The following IRS4 variants were observed in gnomAD, a reference collection of about 807,000 sequenced individuals.
IRS4 encodes insulin receptor substrate 4, also known as 160 kDa phosphotyrosine protein.
IRS4 carries 15 observed loss-of-function variants against 48.6 expected under a neutral mutation model. That is an observed-to-expected ratio of 0.31 (90% CI 0.21 to 0.48). The LOEUF (loss-of-function observed/expected upper bound fraction) is 0.48. Among genes scored for constraint, IRS4 ranks in the 20% least tolerant of loss-of-function variants. The pLI is 0.99. For synonymous variants in IRS4, 459 were observed against 413.2 expected (o/e 1.11, Z -1.34); for missense variants, 987 against 1,023.4 (o/e 0.96, Z 0.49).
intron 1 of IRS4, among the ~76,000 whole-genome samples, chrX:108,730,796 A>G (rs184722452): frequency 2.0e-4 from 22 of 112,306 alleles, no homozygotes; most frequent in African/African-American, 7.1e-4. Flanking sequence ...ATAAACCTCT[A>G]TGAAAACTGG....
chrX:108,734,821 A>T lies in IRS4; in HGVS notation c.1524T>A (p.Asn508Lys), dbSNP rs34287560. ...AGCTATGGCTACTGGAGCCTTGGCC[A>T]TTTGAGCCCTGGCCACCTCCTGAGC... ...GRGSGGGQGS[N>K]GQGSSSHSSG... is the part of the protein sequence containing the mutation. The change falls in exon 1 of 2, where the codon AAT (asparagine) becomes AAA (lysine). Residue 508 changes from asparagine to lysine, a missense_variant. This residue lies in a region of IRS4 where 720 missense variants were observed against 660.3 expected (regional missense o/e 1.09). Coordinates refer to ENST00000372129, the MANE Select transcript of IRS4 (RefSeq NM_001379150.1). 10,893 of 1,208,898 alleles carry T rather than the reference A, an allele frequency of 9.0e-3. 598 individuals are homozygous for T. The African/African-American group carries it at 0.17, about 19-fold the overall frequency.
chrX:108,720,533 TC>T lies in IRS4; in HGVS notation c.*1985del, dbSNP rs2068852204. On this transcript the variant is annotated 3_prime_UTR_variant, in exon 2 of 2. Transcript: ENST00000372129. ...TCTGTGCTGTACCCTCTGTACCCTG[TC>T]TGCTGGCAGCTTCTGAACCTAATAT... 8.9e-6 allele frequency: 1 copy of T among 112,063 alleles called. No homozygotes were observed. The highest frequency in any genetic ancestry group is 3.2e-5 in the African/African-American group (1 of 30,801). The allele number at this position is 112,063 out of a possible 1,213,427, so 9.2% of individuals were successfully genotyped here. A position where few individuals can be genotyped will look rare whatever the true frequency, so the allele number is the denominator to read the frequency against.
chrX:108,727,582 C>G (rs1268561837), intron 1 of IRS4, among the ~76,000 whole-genome samples: 1 of 112,075 alleles, frequency 8.9e-6, no homozygotes, highest in Non-Finnish European at 1.9e-5. Flanking sequence ...CATTCAAGAC[C>G]AAGCAACGTT....
rs754482508 is a variant in IRS4, at chrX:108,732,829, G to A, written c.3516C>T (p.Ala1172=). 61 of 1,175,322 alleles carry A rather than the reference G, an allele frequency of 5.2e-5. No individual in the cohort carries two copies. Among genetic ancestry groups the A allele is most frequent in the Non-Finnish European group, 6.7e-5 (59 of 877,472 alleles). Residue 1172 remains alanine (A), a synonymous_variant, in exon 1 of 2, where the codon GCC becomes GCT. Coordinates refer to ENST00000372129, the MANE Select transcript of IRS4 (RefSeq NM_001379150.1). ...CGTCTTGGGCTCCCCTTACTGCTTC[G>A]GCATCAGCAGCATTAGCAACAGGTT... ...WFQPVANAAD[A]EAVRGAQDVA... is the part of the protein sequence containing the mutation.
In IRS4 at chrX:108,736,492, C is replaced by T. The variant is rs1245414922; in HGVS notation, c.-148G>A. Reference sequence around the variant, plus strand: ...CCCCGCCCACTCCACTCTGAGCGCACGACAGCGGGCAAAACAACACGTGAC... The same window carrying T: ...CCCCGCCCACTCCACTCTGAGCGCATGACAGCGGGCAAAACAACACGTGAC... On this transcript the variant is annotated 5_prime_UTR_variant, in exon 1 of 2. In the 5' UTR this introduces an upstream ATG that the reference lacks. Coordinates refer to ENST00000372129, the MANE Select transcript of IRS4 (RefSeq NM_001379150.1). 3 of 946,862 alleles carry T rather than the reference C, an allele frequency of 3.2e-6. No homozygotes were observed. Among genetic ancestry groups the T allele is most frequent in the Non-Finnish European group, 4.3e-6 (3 of 691,951 alleles). 78.0% of individuals were successfully genotyped at this position (946,862 alleles called of 1,213,427 possible). A position where few individuals can be genotyped will look rare whatever the true frequency, so the allele number is the denominator to read the frequency against.
At chrX:108,724,253 G>A (rs1015695486) in intron 1 of IRS4, 2 of 111,082 alleles carry the variant, frequency 1.8e-5, no homozygotes, top group Non-Finnish European at 3.8e-5. Flanking sequence ...AAATGACAGA[G>A]CCTCTACTAA....
chrX:108,724,644 G>C (rs1435295288), intron 1 of IRS4: 2 of 111,754 alleles, frequency 1.8e-5, no homozygotes, highest in Non-Finnish European at 3.8e-5. Flanking sequence ...AAACTTGGTT[G>C]TGAACAGTCT....
At position 108,733,679 on chromosome X, in the gene IRS4, G is replaced by A; in HGVS notation, c.2666C>T (p.Pro889Leu). The A allele has an allele frequency of 8.3e-7, 1 of 1,211,681 alleles. No homozygotes were observed. The highest frequency in any genetic ancestry group is 1.1e-6 in the Non-Finnish European group (1 of 895,509). The part of the protein sequence containing the change: ...HEPPKNKAKR[P>L]NRLSFITKGY... ...TTTTGTAATAAAAGAAAGTCGGTTAGGTCTCTTAGCTTTATTCTTTGGGGG... is the reference window on the plus strand; with the variant it reads ...TTTTGTAATAAAAGAAAGTCGGTTAAGTCTCTTAGCTTTATTCTTTGGGGG... The change falls in exon 1 of 2, where the codon CCT becomes CTT. Residue 889 changes from proline (P) to leucine (L), a missense_variant. Around this residue, in one of 4 missense-constraint regions of IRS4, gnomAD observed 720 missense variants for 660.3 expected, o/e 1.09. Transcript: ENST00000372129.
chrX:108,736,221 C>G lies in IRS4; in HGVS notation c.124G>C (p.Ala42Pro), dbSNP rs1358641748. ...CAAGACGACCCGGTCCCAATGAGTG[C>G]GGTCGGGGTTCCCGAGGAAAGAAGC... ...TPLLSSGTPT[A>P]LIGTGSSCPG... Residue 42 changes from alanine to proline, a missense_variant, in exon 1 of 2, where the codon GCA (alanine) becomes CCA (proline). Ala to Pro is a conservative substitution (Grantham distance 27). Around this residue, in one of 4 missense-constraint regions of IRS4, gnomAD observed 173 missense variants for 208.9 expected, o/e 0.83. Coordinates refer to ENST00000372129, the MANE Select transcript of IRS4 (RefSeq NM_001379150.1). 1 of 1,208,702 alleles carries G rather than the reference C, an allele frequency of 8.3e-7. No individual in the cohort carries two copies.
intron 1 of IRS4, among the ~76,000 whole-genome samples, chrX:108,731,282 G>A (rs1426489501): frequency 1.8e-5 from 2 of 110,922 alleles, no homozygotes; most frequent in East Asian, 5.7e-4. Context: ...ATCAGTGCCC[G>A]ACTTGTTCTG....
Position 108,736,380 on chromosome X carries a change from A to AG in IRS4, c.-37dup, listed in dbSNP as rs1437416149. 5.8e-6 allele frequency: 7 copies of AG among 1,206,436 alleles called. No individual in the cohort carries two copies. In the Admixed American group the frequency reaches 6.6e-5, roughly 11 times the overall value. Reference sequence around the variant, plus strand: ...GATGGTTTTAAGGTGAGCGAGGAGGAGGGGGAATTCAGGAAAGGGAGGGTT... The same window carrying AG: ...GATGGTTTTAAGGTGAGCGAGGAGGAGGGGGGAATTCAGGAAAGGGAGGGTT... On this transcript the variant is annotated 5_prime_UTR_variant, in exon 1 of 2. Transcript: ENST00000372129.
At chrX:108,724,000 A>G (rs1226499674) in intron 1 of IRS4, 2 of 112,326 alleles carry the variant, frequency 1.8e-5, no homozygotes, top group African/African-American at 6.5e-5. Context: ...TTAGGAAGGT[A>G]TTTCACCTAG....
intron 1 of IRS4, among the ~76,000 whole-genome samples, chrX:108,729,156 T>C (rs2068887545): frequency 9.0e-6 from 1 of 111,521 alleles, no homozygotes; most frequent in South Asian, 3.7e-4. Flanking sequence ...ATAATTAACT[T>C]CAATGGAATA....
chrX:108,735,693 C>A lies in IRS4; in HGVS notation c.652G>T (p.Ala218Ser). The change falls in exon 1 of 2, where the codon GCC becomes TCC. Residue 218 changes from alanine (A) to serine (S), a missense_variant. Coordinates refer to ENST00000372129, the MANE Select transcript of IRS4 (RefSeq NM_001379150.1). ...TLGAQPDGEP[A>S]ALAAAAAAEP... is the part of the protein sequence containing the mutation. ...GCCGCCGCTGCCGCCGCCAGCGCGG[C>A]CGGCTCTCCGTCCGGCTGCGCGCCG... 8.5e-7 allele frequency: 1 copy of A among 1,183,078 alleles called. No individual in the cohort carries two copies.
In IRS4 at chrX:108,733,109, T is replaced by C; in HGVS notation, c.3236A>G (p.Glu1079Gly). The change falls in exon 1 of 2, where the codon GAG becomes GGG. Residue 1079 changes from glutamate to glycine, a missense_variant. Coordinates refer to ENST00000372129, the MANE Select transcript of IRS4 (RefSeq NM_001379150.1). Reference protein sequence around the residue: ...PPVARLLQEEEQERRRPQSRS... With the variant: ...PPVARLLQEEGQERRRPQSRS... Reference sequence around the variant, plus strand: ...GCTTTGTGGGCGTCTTCTCTCCTGCTCTTCTTCCTGCAGCAGCCTAGCTAC... The same window carrying C: ...GCTTTGTGGGCGTCTTCTCTCCTGCCCTTCTTCCTGCAGCAGCCTAGCTAC... The C allele has an allele frequency of 8.3e-7, 1 of 1,211,549 alleles. No individual in the cohort carries two copies. Among genetic ancestry groups the C allele is most frequent in the East Asian group, 3.0e-5 (1 of 33,823 alleles).
At position 108,734,579 on chromosome X, in the gene IRS4, C is replaced by A. The variant is rs149144348; in HGVS notation, c.1766G>T (p.Gly589Val). The A allele has an allele frequency of 1.7e-5, 21 of 1,209,672 alleles. No individual in the cohort carries two copies. The highest frequency in any genetic ancestry group is 1.6e-4 in the African/African-American group (9 of 57,021). The change falls in exon 1 of 2, where the codon GGG becomes GTG. Residue 589 changes from glycine (G) to valine (V), a missense_variant. By Grantham distance (109) the Gly-to-Val change is moderately radical. Coordinates refer to ENST00000372129, the MANE Select transcript of IRS4 (RefSeq NM_001379150.1). ...GHGSGGGKNS[G>V]GGKGSGSGKG... ...CCCACTTCCTGAGCCTTTGCCCCCC[C>A]CAGAGTTCTTGCCACCACCTGAGCC...
At chrX:108,729,327 A>G (rs1206275766) in intron 1 of IRS4, among the ~76,000 whole-genome samples, 3 of 109,485 alleles carry the variant, frequency 2.7e-5, no homozygotes, top group Non-Finnish European at 1.9e-5. Flanking sequence ...TGCCATCATA[A>G]CATTACTAAT....
In IRS4 at chrX:108,722,355, G is replaced by T. The variant is rs1472554165; in HGVS notation, c.*164C>A. Reference sequence around the variant, plus strand: ...CAGTATGAATGATCTGCATGAATAGGATCATTCAATTGCCAGAGTCCACTT... The same window carrying T: ...CAGTATGAATGATCTGCATGAATAGTATCATTCAATTGCCAGAGTCCACTT... On this transcript the variant is annotated 3_prime_UTR_variant, in exon 2 of 2. Transcript: ENST00000372129. 8.2e-6 allele frequency: 2 copies of T among 243,335 alleles called. No homozygotes were observed. Among genetic ancestry groups the T allele is most frequent in the East Asian group, 2.1e-4 (2 of 9,527 alleles). 20.1% of individuals were successfully genotyped at this position (243,335 alleles called of 1,213,427 possible).
At chrX:108,723,943 T>C (rs2068864714) in intron 1 of IRS4, 1 of 112,570 alleles carries the variant, frequency 8.9e-6, no homozygotes, top group African/African-American at 3.2e-5. Flanking sequence ...GTACCAGTAT[T>C]ACAGTGTTAT....
Sources: gnomAD v4.1 joint callset for allele counts (sites outside exome capture counted in the v4.1 genomes callset) on GRCh38, gnomAD v4.1.1 for gene constraint, gnomAD v4.1.1 regional missense constraint, MANE v1.5 for transcripts, NCBI Gene and HGNC (gene_info 2026-07-23, HGNC 2026-07-21) for gene names.